SGCZ: variants seen among roughly 807,000 people sequenced by gnomAD.
The protein encoded by SGCZ is sarcoglycan zeta.
SGCZ carries 40 observed loss-of-function variants against 41.3 expected under a neutral mutation model. The ratio of observed to expected loss-of-function variants is 0.97; its 90% CI spans 0.75 to 1.26. SGCZ has a LOEUF of 1.26. Among genes scored for constraint, SGCZ ranks in the 50% most tolerant of loss-of-function variants. The pLI is 0.00. For missense variants in SGCZ, 552 were observed against 369.8 expected, an observed-to-expected ratio of 1.49 and a Z score of -4.04; for synonymous variants, 206 against 137.5, an observed-to-expected ratio of 1.50 and a Z score of -3.49.
chr8:14,798,580 T>G (rs987409291), intron 1 of SGCZ, among the ~76,000 whole-genome samples: 1 of 152,198 alleles, frequency 6.6e-6, no homozygotes, highest in Non-Finnish European at 1.5e-5. Flanking sequence ...TTGGAAATGC[T>G]TCAGCACTTT....
chr8:14,404,612 C>T (rs1382228322), intron 2 of SGCZ, among the ~76,000 whole-genome samples: 4 of 152,122 alleles, frequency 2.6e-5, no homozygotes, highest in Non-Finnish European at 1.5e-5. Context: ...TTGGGTGACA[C>T]TGGGAATTAA....
chr8:14,183,402 A>G (rs1462412667), intron 4 of SGCZ, among the ~76,000 whole-genome samples: 1 of 152,204 alleles, frequency 6.6e-6, no homozygotes, highest in Non-Finnish European at 1.5e-5. Context: ...AACAGATTTC[A>G]TGAGGTTAGT....
At chr8:14,895,146 A>G (rs1042904794) in intron 1 of SGCZ, among the ~76,000 whole-genome samples, 8 of 152,192 alleles carry the variant, frequency 5.3e-5, no homozygotes, top group African/African-American at 1.9e-4. Context: ...TTATACAATT[A>G]ATCGTTTAGT....
intron 2 of SGCZ, among the ~76,000 whole-genome samples, chr8:14,330,361 T>C (rs569123143): frequency 2.3e-4 from 35 of 152,254 alleles, no homozygotes; most frequent in African/African-American, 8.2e-4. Context: ...TAAATTAATA[T>C]GCTTGTGAAG....
intron 1 of SGCZ, among the ~76,000 whole-genome samples, chr8:14,641,923 C>G (rs1199628810): frequency 6.6e-6 from 1 of 151,614 alleles, no homozygotes; most frequent in Non-Finnish European, 1.5e-5. Flanking sequence ...TAAGATGATG[C>G]TGATAGTATT....
intron 1 of SGCZ, among the ~76,000 whole-genome samples, chr8:14,833,155 A>G (rs1223810986): frequency 1.3e-5 from 2 of 152,156 alleles, no homozygotes; most frequent in African/African-American, 4.8e-5. Flanking sequence ...ATAATGTAGT[A>G]TTAATGTATT....
intron 1 of SGCZ, among the ~76,000 whole-genome samples, chr8:15,065,628 A>G (rs1243979694): frequency 6.6e-6 from 1 of 151,760 alleles, no homozygotes; most frequent in Non-Finnish European, 1.5e-5. Context: ...CGGTAGAGAC[A>G]GGGTTTTGCC....
At chr8:14,211,668 A>C (rs908387757) in intron 4 of SGCZ, among the ~76,000 whole-genome samples, 1 of 151,972 alleles carries the variant, frequency 6.6e-6, no homozygotes, top group Non-Finnish European at 1.5e-5. Flanking sequence ...AGAGAGAGAG[A>C]GAGTAAAAAG....
At chr8:14,604,613 T>A (rs965241481) in intron 1 of SGCZ, among the ~76,000 whole-genome samples, 9 of 152,156 alleles carry the variant, frequency 5.9e-5, no homozygotes, top group Non-Finnish European at 1.3e-4. Context: ...TTATCATTCC[T>A]CCAAGATATG....
chr8:14,505,697 G>T (rs548834088), intron 2 of SGCZ, among the ~76,000 whole-genome samples: 1 of 152,194 alleles, frequency 6.6e-6, no homozygotes, highest in East Asian at 1.9e-4. Context: ...TAACCACTGT[G>T]TTAGGAAATC....
chr8:14,779,367 G>A (rs1408568943), intron 1 of SGCZ, among the ~76,000 whole-genome samples: 3 of 152,088 alleles, frequency 2.0e-5, no homozygotes, highest in Non-Finnish European at 4.4e-5. Context: ...CAATTTTCCA[G>A]CACTAATTTA....
intron 1 of SGCZ, among the ~76,000 whole-genome samples, chr8:15,200,250 A>G (rs535945233): frequency 6.6e-6 from 1 of 152,336 alleles, no homozygotes; most frequent in African/African-American, 2.4e-5. Context: ...CCAGAATTTA[A>G]ATATTTCAGA....
intron 2 of SGCZ, among the ~76,000 whole-genome samples, chr8:14,324,740 G>A (rs1043455006): frequency 6.6e-6 from 1 of 152,194 alleles, no homozygotes; most frequent in Middle Eastern, 3.4e-3. Context: ...AGCAGTTTTT[G>A]AGAAGGATAA....
intron 1 of SGCZ, among the ~76,000 whole-genome samples, chr8:14,896,837 G>A (rs1805218332): frequency 6.6e-6 from 1 of 151,354 alleles, no homozygotes; most frequent in South Asian, 2.1e-4. Flanking sequence ...CTGGAGTGCA[G>A]TGGTGTGAAC....
At chr8:14,563,565 T>C (rs1358534634) in intron 1 of SGCZ, among the ~76,000 whole-genome samples, 1 of 152,196 alleles carries the variant, frequency 6.6e-6, no homozygotes, top group African/African-American at 2.4e-5. Flanking sequence ...GATGAATAAA[T>C]TATCCCACCT....
At chr8:14,923,077 C>A (rs377311127) in intron 1 of SGCZ, among the ~76,000 whole-genome samples, 18 of 152,242 alleles carry the variant, frequency 1.2e-4, no homozygotes, top group African/African-American at 4.3e-4. Context: ...TTTTCCTAAA[C>A]TGAAATTTTA....
At chr8:14,538,204 T>C in intron 2 of SGCZ, among the ~76,000 whole-genome samples, 1 of 152,114 alleles carries the variant, frequency 6.6e-6, no homozygotes, top group Middle Eastern at 3.4e-3. Context: ...GTATTTGCTA[T>C]TTTAACTTAT....
At chr8:14,219,448 A>G (rs991668914) in intron 4 of SGCZ, among the ~76,000 whole-genome samples, 5 of 152,178 alleles carry the variant, frequency 3.3e-5, no homozygotes, top group South Asian at 4.1e-4. Context: ...GACAACCAGC[A>G]CTTCAAAAGT....
intron 1 of SGCZ, among the ~76,000 whole-genome samples, chr8:14,972,765 C>A (rs77015624): frequency 6.6e-6 from 1 of 152,138 alleles, no homozygotes; most frequent in South Asian, 2.1e-4. Context: ...TTAAGTCTTA[C>A]GATAGCATAC....
Sources: gnomAD v4.1 joint callset for allele counts (sites outside exome capture counted in the v4.1 genomes callset) on GRCh38, gnomAD v4.1.1 for gene constraint, MANE v1.5 for transcripts, NCBI Gene and HGNC (gene_info 2026-07-23, HGNC 2026-07-21) for gene names.